Variants in SERPINA1 observed in about 807,000 individuals in gnomAD.
SERPINA1 encodes alpha-1-antitrypsin.
SERPINA1 carries 21 observed loss-of-function variants against 25.4 expected under a neutral mutation model. The observed-to-expected ratio is 0.83, with a 90% CI of 0.59 to 1.19. SERPINA1 has a LOEUF of 1.19. Among genes scored for constraint, SERPINA1 ranks in the 50% most tolerant of loss-of-function variants. The pLI, the probability that SERPINA1 is intolerant of heterozygous loss-of-function variation, is 0.00. For missense variants in SERPINA1, 546 were observed against 509.0 expected (o/e 1.07, Z -0.70); for synonymous variants, 218 against 211.1 (o/e 1.03, Z -0.29).
At chr14:94,379,657 T>G in intron 3 of SERPINA1, 46 bp from the exon 4 acceptor site, 1 of 1,613,602 alleles carries the variant, frequency 6.2e-7, no homozygotes, top group Non-Finnish European at 8.5e-7. Flanking sequence ...GCATTCCTCT[T>G]GTTCTTCTGG....
chr14:94,383,331 A>G, intron 1 of SERPINA1, 90 bp from the exon 2 acceptor site: 2 of 1,414,940 alleles, frequency 1.4e-6, no homozygotes, highest in Non-Finnish European at 1.9e-6. Context: ...GGAAGTGCCT[A>G]GGGATTATTA....
Position 94,379,490 on chromosome 14 carries a change from C to T in SERPINA1, c.1039G>A (p.Glu347Lys). 6.2e-7 allele frequency: 1 copy of T among 1,601,468 alleles called. No individual in the cohort carries two copies. The highest frequency in any genetic ancestry group is 8.5e-7 in the Non-Finnish European group (1 of 1,175,550). ...TTGGAGAGCTTCAGGGGTGCCTCCT[C>T]TGTGACCCCGGAGAGGTCAGCCCCA... is the stretch of plus-strand genomic sequence containing the variant. ...SNGADLSGVT[E>K]EAPLKLSKAV... is the part of the protein sequence containing the mutation. The change falls in exon 4 of 5, where the codon GAG (glutamate) becomes AAG (lysine). Residue 347 changes from glutamate to lysine, a missense_variant. Physicochemically the swap from Glu to Lys is moderately conservative, Grantham distance 56. Coordinates refer to ENST00000393087, the MANE Select transcript of SERPINA1 (RefSeq NM_000295.5).
intron 1 of SERPINA1, chr14:94,384,211 G>C (rs1255808314): frequency 6.6e-6 from 1 of 152,168 alleles, no homozygotes; most frequent in Non-Finnish European, 1.5e-5. Flanking sequence ...ATCTGACTCT[G>C]TCACTTTCCA....
intron 3 of SERPINA1, 200 bp downstream of exon 3, chr14:94,380,671 T>C: frequency 1.5e-6 from 1 of 675,704 alleles, no homozygotes; most frequent in Non-Finnish European, 2.6e-6. Flanking sequence ...CTGGGTACTG[T>C]CCTCCTCATG....
At chr14:94,386,964 A>T (rs1452544062) in intron 1 of SERPINA1, among the ~76,000 whole-genome samples, 6 of 152,232 alleles carry the variant, frequency 3.9e-5, no homozygotes, top group African/African-American at 1.4e-4. Context: ...TGAGCCCCAA[A>T]GAGCATTAAA....
In SERPINA1 at chr14:94,378,323, G is replaced by A. The variant is rs1896510638; in HGVS notation, c.*126C>T. 3.6e-6 allele frequency: 3 copies of A among 833,812 alleles called. No individual in the cohort carries two copies. Among genetic ancestry groups the A allele is most frequent in the South Asian group, 3.1e-5 (2 of 63,700 alleles). 51.7% of individuals were successfully genotyped at this position (833,812 alleles called of 1,614,324 possible). On this transcript the variant is annotated 3_prime_UTR_variant, in exon 5 of 5. Coordinates refer to ENST00000393087, the MANE Select transcript of SERPINA1 (RefSeq NM_000295.5). The stretch of plus-strand genomic sequence containing the variant: ...CACATACAGCCTCAGCAGGCAAAGG[G>A]AGACTCAGAGAAAACATGGGAGGGA...
intron 4 of SERPINA1, chr14:94,379,215 T>A: frequency 1.6e-6 from 1 of 610,728 alleles, no homozygotes; most frequent in South Asian, 2.0e-5. Flanking sequence ...TTGGGCAAAG[T>A]TGAAATTCAG....
chr14:94,385,670 C>T (rs148055857), intron 1 of SERPINA1, among the ~76,000 whole-genome samples: 34 of 152,320 alleles, frequency 2.2e-4, no homozygotes, highest in South Asian at 8.3e-4. Flanking sequence ...TGTAGCAAAA[C>T]AGATGGAGAA....
chr14:94,386,455 C>A (rs1229101141), intron 1 of SERPINA1, among the ~76,000 whole-genome samples: 1 of 152,178 alleles, frequency 6.6e-6, no homozygotes, highest in Non-Finnish European at 1.5e-5. Flanking sequence ...TAAATAAACC[C>A]AAGTGTGACC....
chr14:94,378,203 T>TC lies in SERPINA1; in HGVS notation c.*245dup, dbSNP rs1353360327. 5 of 579,030 alleles carry TC rather than the reference T, an allele frequency of 8.6e-6. No individual in the cohort carries two copies. The highest frequency in any genetic ancestry group is 3.0e-5 in the Admixed American group (1 of 33,104). The allele number at this position is 579,030 out of a possible 1,614,324, so 35.9% of individuals were successfully genotyped here. A position where few individuals can be genotyped will look rare whatever the true frequency, so the allele number is the denominator to read the frequency against. On this transcript the variant is annotated 3_prime_UTR_variant, in exon 5 of 5. Coordinates refer to ENST00000393087, the MANE Select transcript of SERPINA1 (RefSeq NM_000295.5). ...CCAGGTCCGTAAGCTGAGGATTCAGTCCCCCCTGGATTCAAGCCCAGCATG... is the reference window on the plus strand; with the variant it reads ...CCAGGTCCGTAAGCTGAGGATTCAGTCCCCCCCTGGATTCAAGCCCAGCATG...
chr14:94,378,486 AG>A lies in SERPINA1; in HGVS notation c.1219del (p.Leu407SerfsTer7). On this transcript the variant is annotated frameshift_variant, in exon 5 of 5. Coordinates refer to ENST00000393087, the MANE Select transcript of SERPINA1 (RefSeq NM_000295.5). LOFTEE classifies it high-confidence loss of function. ...LMIEQNTKSP[L>X]FMGKVVNPTQ... Reference sequence around the variant, plus strand: ...GGGATTCACCACTTTTCCCATGAAGAGGGGAGACTTGGTATTTTGTTCAATC... The same window carrying A: ...GGGATTCACCACTTTTCCCATGAAGAGGGAGACTTGGTATTTTGTTCAATC... 1.2e-6 allele frequency: 2 copies of A among 1,614,028 alleles called. No individual in the cohort carries two copies. The highest frequency in any genetic ancestry group is 1.7e-6 in the Non-Finnish European group (2 of 1,179,998).
chr14:94,378,341 G>T lies in SERPINA1; in HGVS notation c.*108C>A. ...GCAAAGGGAGACTCAGAGAAAACAT[G>T]GGAGGGATTTACAGTCACATGCAGG... On this transcript the variant is annotated 3_prime_UTR_variant, in exon 5 of 5. Coordinates refer to ENST00000393087, the MANE Select transcript of SERPINA1 (RefSeq NM_000295.5). 1.0e-6 allele frequency: 1 copy of T among 963,288 alleles called. No individual in the cohort carries two copies. Among genetic ancestry groups the T allele is most frequent in the East Asian group, 2.4e-5 (1 of 41,720 alleles). 59.7% of individuals were successfully genotyped at this position (963,288 alleles called of 1,614,324 possible).
Position 94,383,116 on chromosome 14 carries a change from T to C in SERPINA1, c.122A>G (p.Asp41Gly). Reference sequence around the variant, plus strand: ...CTTGTTGAAGGTTGGGTGATCCTGATCATGGTGGGATGTATCTGTCTTCTG... The same window carrying C: ...CTTGTTGAAGGTTGGGTGATCCTGACCATGGTGGGATGTATCTGTCTTCTG... ...AAQKTDTSHHDQDHPTFNKIT... is the reference protein window; with the variant it reads ...AAQKTDTSHHGQDHPTFNKIT... The change falls in exon 2 of 5, where the codon GAT (aspartate) becomes GGT (glycine). Residue 41 changes from aspartate (D) to glycine (G), a missense_variant. Asp to Gly is a moderately conservative substitution (Grantham distance 94). Coordinates refer to ENST00000393087, the MANE Select transcript of SERPINA1 (RefSeq NM_000295.5). The C allele has an allele frequency of 6.2e-7, 1 of 1,614,188 alleles. No individual in the cohort carries two copies. Among genetic ancestry groups the C allele is most frequent in the Non-Finnish European group, 8.5e-7 (1 of 1,180,032 alleles).
In SERPINA1 at chr14:94,386,856, A is replaced by G. The variant is rs140548170; in HGVS notation, c.-5+1704T>C. Among the ~76,000 whole-genome samples, 197 of 152,288 alleles carry G rather than the reference A, an allele frequency of 1.3e-3. 1 individual carries two copies. Among genetic ancestry groups the G allele is most frequent in the Non-Finnish European group, 2.3e-3 (157 of 68,024 alleles). On this transcript the variant is annotated intron_variant, in intron 1 of 4. Transcript: ENST00000393087. ...CGTCACCATCATTGCCACACTTACTAACACCTGGTGTTTTACAGGCACCGT... is the reference window on the plus strand; with the variant it reads ...CGTCACCATCATTGCCACACTTACTGACACCTGGTGTTTTACAGGCACCGT...
rs145119153 is a variant in SERPINA1, at chr14:94,388,141, G to C, written c.-5+419C>G. 2.4e-4 allele frequency among the ~76,000 whole-genome samples: 36 copies of C among 152,216 alleles called. 1 individual carries two copies. The East Asian group carries it at 7.0e-3, about 30-fold the overall frequency. On this transcript the variant is annotated intron_variant, in intron 1 of 4. Coordinates refer to ENST00000393087, the MANE Select transcript of SERPINA1 (RefSeq NM_000295.5). Reference sequence around the variant, plus strand: ...AAAGATGCATGCCCAAGCAGTAGGAGAGGTGGTGAGGCTTATAGGAGACAA... The same window carrying C: ...AAAGATGCATGCCCAAGCAGTAGGACAGGTGGTGAGGCTTATAGGAGACAA...
chr14:94,383,424 T>C, intron 1 of SERPINA1, 183 bp from the exon 2 acceptor site: 1 of 635,820 alleles, frequency 1.6e-6, no homozygotes, highest in Non-Finnish European at 2.8e-6. Flanking sequence ...GTGCTTACCA[T>C]ATGCCAAGCA....
rs760175391 is a variant in SERPINA1 at position 94,382,787 on chromosome 14, C to G, written c.451G>C (p.Val151Leu). 1.2e-6 allele frequency: 2 copies of G among 1,614,162 alleles called. No homozygotes were observed. The highest frequency in any genetic ancestry group is 1.3e-5 in the African/African-American group (1 of 74,954). ...GLFLSEGLKLVDKFLEDVKKL... is the reference protein window; with the variant it reads ...GLFLSEGLKLLDKFLEDVKKL... ...TTAACATCCTCCAAAAACTTATCCA[C>G]TAGCTTCAGGCCCTCGCTGAGGAAC... is the stretch of plus-strand genomic sequence containing the variant. The change falls in exon 2 of 5, where the codon GTG becomes CTG. Residue 151 changes from valine to leucine, a missense_variant. Val to Leu is a conservative substitution (Grantham distance 32, BLOSUM62 1). Transcript: ENST00000393087.
chr14:94,379,198 G>C, intron 4 of SERPINA1: 1 of 605,270 alleles, frequency 1.7e-6, no homozygotes, highest in East Asian at 2.7e-5. Context: ...CCAATGTCTA[G>C]AAGGTCTTGG....
chr14:94,384,677 G>A (rs1464520168), intron 1 of SERPINA1, among the ~76,000 whole-genome samples: 6 of 152,212 alleles, frequency 3.9e-5, no homozygotes, highest in African/African-American at 9.6e-5. Flanking sequence ...GAATATGCCC[G>A]GCAGCCACAT....
Sources: gnomAD v4.1 joint callset for allele counts (sites outside exome capture counted in the v4.1 genomes callset) on GRCh38, gnomAD v4.1.1 for gene constraint, MANE v1.5 for transcripts, NCBI Gene and HGNC (gene_info 2026-07-23, HGNC 2026-07-21) for gene names.